ARL15: variants seen among roughly 807,000 people sequenced by gnomAD.
ARL15 encodes the protein ADP-ribosylation factor-like protein 15.
In ARL15, 19 loss-of-function variants were observed where a neutral mutation model predicts 25.2. That is an observed-to-expected ratio of 0.75 (90% CI 0.53 to 1.10). The LOEUF (loss-of-function observed/expected upper bound fraction) is 1.10. Among genes scored for constraint, ARL15 ranks in the 50% least tolerant of loss-of-function variants. The pLI is 0.00. For missense variants in ARL15, 220 were observed against 246.0 expected, an observed-to-expected ratio of 0.89 and a Z score of 0.71; for synonymous variants, 94 against 86.8, an observed-to-expected ratio of 1.08 and a Z score of -0.46.
intron 1 of ARL15, among the ~76,000 whole-genome samples, chr5:54,189,193 A>G (rs1166336562): frequency 6.6e-6 from 1 of 152,190 alleles, no homozygotes; most frequent in Non-Finnish European, 1.5e-5. Context: ...ATGGAAACAC[A>G]TCCCATGTTC....
chr5:54,193,759 C>T (rs943432037), intron 1 of ARL15, among the ~76,000 whole-genome samples: 14 of 147,264 alleles, frequency 9.5e-5, no homozygotes, highest in Non-Finnish European at 8.9e-5. Flanking sequence ...GTAACTACTT[C>T]GACTTATGTA....
At chr5:53,981,408 G>C (rs2111595747) in intron 4 of ARL15, among the ~76,000 whole-genome samples, 1 of 152,282 alleles carries the variant, frequency 6.6e-6, no homozygotes, top group African/African-American at 2.4e-5. Flanking sequence ...ATAAGAGTGA[G>C]AAAGAGTGGA....
intron 1 of ARL15, among the ~76,000 whole-genome samples, chr5:54,206,870 T>C (rs750384852): frequency 6.6e-6 from 1 of 152,224 alleles, no homozygotes; most frequent in Non-Finnish European, 1.5e-5. Flanking sequence ...TACAAAATCA[T>C]AATGAATATA....
chr5:54,151,037 T>C (rs1238178048), intron 3 of ARL15, among the ~76,000 whole-genome samples: 3 of 152,108 alleles, frequency 2.0e-5, no homozygotes, highest in Non-Finnish European at 4.4e-5. Flanking sequence ...CGGCTCCAAA[T>C]GACCACAGTC....
intron 3 of ARL15, among the ~76,000 whole-genome samples, chr5:54,125,516 T>A (rs1159073835): frequency 1.3e-5 from 2 of 152,220 alleles, no homozygotes; most frequent in African/African-American, 4.8e-5. Context: ...GATCCTTTTA[T>A]GGATGAATAA....
chr5:54,281,858 C>T (rs1187629400), intron 1 of ARL15, among the ~76,000 whole-genome samples: 1 of 152,164 alleles, frequency 6.6e-6, no homozygotes, highest in Non-Finnish European at 1.5e-5. Context: ...GAGATACATC[C>T]ACGGTGTATT....
chr5:54,246,682 G>C (rs1757092360), intron 1 of ARL15, among the ~76,000 whole-genome samples: 1 of 151,866 alleles, frequency 6.6e-6, no homozygotes, highest in African/African-American at 2.4e-5. Context: ...CTCTATTCCT[G>C]CGACCATCAC....
intron 4 of ARL15, among the ~76,000 whole-genome samples, chr5:54,025,382 G>A (rs1475692331): frequency 7.2e-5 from 11 of 151,796 alleles, no homozygotes; most frequent in Non-Finnish European, 1.0e-4. Flanking sequence ...TTGTGAAGGC[G>A]ATTCTGTAAG....
At position 53,886,405 on chromosome 5, in the gene ARL15, C is replaced by A. The variant is rs1744526554; in HGVS notation, c.*156G>T. 4.0e-6 allele frequency: 3 copies of A among 752,218 alleles called. No homozygotes were observed. The highest frequency in any genetic ancestry group is 6.2e-6 in the Non-Finnish European group (3 of 482,366). The allele number at this position is 752,218 out of a possible 1,614,324, so 46.6% of individuals were successfully genotyped here. ...TGCCGATGATAATTCATCTGATCTACAGAATATTCACTTTAATAGAGAGAT... is the reference window on the plus strand; with the variant it reads ...TGCCGATGATAATTCATCTGATCTAAAGAATATTCACTTTAATAGAGAGAT... On this transcript the variant is annotated 3_prime_UTR_variant, in exon 5 of 5. Coordinates refer to ENST00000504924, the MANE Select transcript of ARL15 (RefSeq NM_019087.3).
chr5:54,144,131 T>G lies in ARL15; in HGVS notation c.253+10449A>C, dbSNP rs79839212. Reference sequence around the variant, plus strand: ...TCGTAATTAATAGTTTATTTTTGTTTATAATATTTCTAAGTATGGTTATTT... The same window carrying G: ...TCGTAATTAATAGTTTATTTTTGTTGATAATATTTCTAAGTATGGTTATTT... On this transcript the variant is annotated intron_variant, in intron 3 of 4. Transcript: ENST00000504924. 1.7e-3 allele frequency among the ~76,000 whole-genome samples: 261 copies of G among 152,208 alleles called. 3 individuals are homozygous for G. In the East Asian group the frequency reaches 0.038, roughly 22 times the overall value.
chr5:54,102,830 T>C (rs1752479593), intron 4 of ARL15, among the ~76,000 whole-genome samples: 1 of 152,196 alleles, frequency 6.6e-6, no homozygotes, highest in Admixed American at 6.5e-5. Context: ...AAAATAAATA[T>C]TACAAATTCT....
intron 1 of ARL15, among the ~76,000 whole-genome samples, chr5:54,185,372 G>A (rs1382492023): frequency 2.0e-5 from 3 of 152,126 alleles, no homozygotes; most frequent in Non-Finnish European, 4.4e-5. Flanking sequence ...CTCTGATTTA[G>A]ATGACCTTCT....
intron 4 of ARL15, among the ~76,000 whole-genome samples, chr5:54,100,269 C>T (rs1218032131): frequency 6.6e-6 from 1 of 151,870 alleles, no homozygotes; most frequent in Admixed American, 6.6e-5. Context: ...AAGATACACA[C>T]CAACTTTAAG....
intron 4 of ARL15, among the ~76,000 whole-genome samples, chr5:53,968,548 T>C (rs1039484571): frequency 6.6e-6 from 1 of 152,166 alleles, no homozygotes; most frequent in Non-Finnish European, 1.5e-5. Context: ...CATAAGAAAG[T>C]AGCCAGAAAG....
chr5:54,273,694 G>T (rs1183305823), intron 1 of ARL15, among the ~76,000 whole-genome samples: 1 of 152,144 alleles, frequency 6.6e-6, no homozygotes, highest in East Asian at 1.9e-4. Flanking sequence ...TAATATTACA[G>T]TACCTTCTTC....
chr5:54,120,559 G>C (rs1245618393), intron 3 of ARL15, among the ~76,000 whole-genome samples: 2 of 152,184 alleles, frequency 1.3e-5, no homozygotes, highest in Non-Finnish European at 2.9e-5. Context: ...GAACAGTTCT[G>C]GAGAAATGTT....
intron 4 of ARL15, among the ~76,000 whole-genome samples, chr5:53,898,758 C>A (rs1192320751): frequency 2.6e-5 from 4 of 151,720 alleles, no homozygotes; most frequent in East Asian, 3.9e-4. Context: ...TAGCCTGGAA[C>A]CTTCCAACCT....
chr5:54,197,582 A>C (rs1755586358), intron 1 of ARL15, among the ~76,000 whole-genome samples: 2 of 152,194 alleles, frequency 1.3e-5, no homozygotes, highest in South Asian at 4.1e-4. Flanking sequence ...TCATTCACTT[A>C]TTTAAAACAT....
chr5:53,932,219 C>T (rs942416676), intron 4 of ARL15, among the ~76,000 whole-genome samples: 7 of 152,170 alleles, frequency 4.6e-5, no homozygotes, highest in Admixed American at 1.3e-4. Flanking sequence ...AGGGAACTTC[C>T]GCTTATTAAG....
Sources: gnomAD v4.1 joint callset for allele counts (sites outside exome capture counted in the v4.1 genomes callset) on GRCh38, gnomAD v4.1.1 for gene constraint, MANE v1.5 for transcripts, NCBI Gene and HGNC (gene_info 2026-07-23, HGNC 2026-07-21) for gene names.